The following HECTD2 variants were observed in gnomAD, a reference collection of about 807,000 sequenced individuals.
HECTD2 encodes the protein HECT domain E3 ubiquitin protein ligase 2, also known as probable E3 ubiquitin-protein ligase HECTD2.
Under a neutral mutation model 103.2 loss-of-function variants are expected in HECTD2, and 35 were observed. The ratio of observed to expected loss-of-function variants is 0.34; its 90% CI spans 0.26 to 0.45. HECTD2 has a LOEUF of 0.45. Among genes scored for constraint, HECTD2 ranks in the 20% least tolerant of loss-of-function variants. The pLI, the probability that HECTD2 is intolerant of heterozygous loss-of-function variation, is 1.00. For synonymous variants in HECTD2, 281 were observed against 329.9 expected (o/e 0.85, Z 1.61); for missense variants, 596 against 937.4 (o/e 0.64, Z 4.76).
chr10:91,419,940 T>C (rs964512238), intron 1 of HECTD2, among the ~76,000 whole-genome samples: 1 of 152,208 alleles, frequency 6.6e-6, no homozygotes, highest in Non-Finnish European at 1.5e-5. Context: ...TGTAAAGTAA[T>C]GTTCTTTAAC....
chr10:91,508,620 A>G (rs1252668985), intron 20 of HECTD2, among the ~76,000 whole-genome samples: 1 of 149,038 alleles, frequency 6.7e-6, no homozygotes, highest in Non-Finnish European at 1.5e-5. Flanking sequence ...AAAGTCAGGA[A>G]ACAACAGGTG....
At chr10:91,455,320 AATG>A (rs1224672741) in intron 2 of HECTD2, among the ~76,000 whole-genome samples, 1 of 152,164 alleles carries the variant, frequency 6.6e-6, no homozygotes, top group Non-Finnish European at 1.5e-5. Flanking sequence ...TCTGATGGCC[AATG>A]ATGATGAGCA....
chr10:91,417,499 C>T (rs1388282661), intron 1 of HECTD2, among the ~76,000 whole-genome samples: 1 of 151,912 alleles, frequency 6.6e-6, no homozygotes, highest in Non-Finnish European at 1.5e-5. Context: ...TTAGGTATAC[C>T]TCCTAATGCT....
At chr10:91,496,753 T>C (rs1331005664) in intron 15 of HECTD2, among the ~76,000 whole-genome samples, 1 of 152,092 alleles carries the variant, frequency 6.6e-6, no homozygotes, top group African/African-American at 2.4e-5. Flanking sequence ...TATGAAAATT[T>C]GTGGTTTTAA....
intron 20 of HECTD2, among the ~76,000 whole-genome samples, chr10:91,503,284 C>T (rs1366667874): frequency 7.2e-5 from 11 of 152,024 alleles, no homozygotes; most frequent in Admixed American, 5.9e-4. Context: ...CCAAGATGGC[C>T]GAATAGGAAC....
intron 20 of HECTD2, among the ~76,000 whole-genome samples, chr10:91,503,591 A>C (rs1847005950): frequency 6.6e-6 from 1 of 152,166 alleles, no homozygotes; most frequent in African/African-American, 2.4e-5. Context: ...ACGGTGCACC[A>C]CGAGATTATA....
chr10:91,423,821 T>C (rs1209772280), intron 1 of HECTD2, among the ~76,000 whole-genome samples: 1 of 152,174 alleles, frequency 6.6e-6, no homozygotes, highest in Non-Finnish European at 1.5e-5. Context: ...TGACAAGCTC[T>C]GTGATGAACT....
chr10:91,493,558 A>G (rs763338313), intron 14 of HECTD2, 50 bp downstream of exon 14: 6 of 978,328 alleles, frequency 6.1e-6, no homozygotes, highest in South Asian at 1.7e-5. Flanking sequence ...AGAGATTTTT[A>G]AAGATTTTAT....
At chr10:91,478,571 C>G (rs987519180) in intron 6 of HECTD2, among the ~76,000 whole-genome samples, 46 of 152,062 alleles carry the variant, frequency 3.0e-4, no homozygotes, top group Non-Finnish European at 5.9e-4. Context: ...CATCAGTAAC[C>G]TAACTGAAAT....
intron 2 of HECTD2, among the ~76,000 whole-genome samples, chr10:91,429,833 C>T (rs1327505575): frequency 5.9e-5 from 9 of 152,140 alleles, no homozygotes; most frequent in Non-Finnish European, 1.3e-4. Flanking sequence ...AAACCAGCTC[C>T]TGGATTCATT....
rs1295958461 is a variant in HECTD2, at chr10:91,513,461, A to ATGT, written c.*1079_*1081dup. The ATGT allele has an allele frequency of 2.1e-4, 32 of 152,614 alleles. No homozygotes were observed. Among genetic ancestry groups the ATGT allele is most frequent in the Non-Finnish European group, 3.7e-4 (25 of 68,036 alleles). 9.5% of individuals were successfully genotyped at this position (152,614 alleles called of 1,614,324 possible). A position where few individuals can be genotyped will look rare whatever the true frequency, so the allele number is the denominator to read the frequency against. ...AATAAAATTCAACGTTTTGGCCAAA[A>ATGT]TGTTTGTTTTTCACTGGATTCTGAA... is the stretch of plus-strand genomic sequence containing the variant. On this transcript the variant is annotated 3_prime_UTR_variant, in exon 21 of 21. Transcript: ENST00000298068.
intron 2 of HECTD2, among the ~76,000 whole-genome samples, chr10:91,435,766 T>C (rs1844089015): frequency 1.3e-5 from 2 of 152,138 alleles, no homozygotes; most frequent in African/African-American, 4.8e-5. Flanking sequence ...AGCAGCTTCA[T>C]GTCCTTAAAT....
At chr10:91,500,988 A>G (rs1846879992) in intron 19 of HECTD2, among the ~76,000 whole-genome samples, 1 of 152,098 alleles carries the variant, frequency 6.6e-6, no homozygotes, top group Admixed American at 6.6e-5. Context: ...TGCTGAACTT[A>G]TATACTTTTA....
At chr10:91,489,905 C>A (rs896748718) in intron 11 of HECTD2, 1 of 152,028 alleles carries the variant, frequency 6.6e-6, no homozygotes, top group Non-Finnish European at 1.5e-5. Context: ...AAATGTTTAT[C>A]TTTAATCTGC....
intron 5 of HECTD2, among the ~76,000 whole-genome samples, chr10:91,468,897 C>A (rs1446921387): frequency 6.8e-6 from 1 of 148,020 alleles, no homozygotes; most frequent in Non-Finnish European, 1.5e-5. Context: ...GATTGCACCA[C>A]CACACTGCAG....
chr10:91,498,195 G>A lies in HECTD2; in HGVS notation c.1755+13G>A, dbSNP rs1375689935. 6.5e-7 allele frequency: 1 copy of A among 1,546,826 alleles called. No homozygotes were observed. On this transcript the variant is annotated intron_variant, in intron 16 of 20. Coordinates refer to ENST00000298068, the MANE Select transcript of HECTD2 (RefSeq NM_182765.6). ...TTCAACATTTCAGGTACTATTAAGG[G>A]CAAGTAGTTATCTGTTAATCATATA...
At chr10:91,423,195 G>A (rs1843424272) in intron 1 of HECTD2, among the ~76,000 whole-genome samples, 1 of 152,130 alleles carries the variant, frequency 6.6e-6, no homozygotes, top group Non-Finnish European at 1.5e-5. Flanking sequence ...GTGGGAGACT[G>A]TAATATAAGT....
At chr10:91,497,237 A>G (rs1159013656) in intron 15 of HECTD2, among the ~76,000 whole-genome samples, 3 of 147,258 alleles carry the variant, frequency 2.0e-5, no homozygotes, top group Admixed American at 6.7e-5. Flanking sequence ...CAGCCTCCCA[A>G]AGTGCTGGGA....
intron 2 of HECTD2, among the ~76,000 whole-genome samples, chr10:91,451,074 A>G (rs538667583): frequency 5.3e-5 from 8 of 152,308 alleles, no homozygotes; most frequent in African/African-American, 1.9e-4. Flanking sequence ...ATGCACACAT[A>G]TGTTTATGAC....
Sources: gnomAD v4.1 joint callset for allele counts (sites outside exome capture counted in the v4.1 genomes callset) on GRCh38, gnomAD v4.1.1 for gene constraint, MANE v1.5 for transcripts, NCBI Gene and HGNC (gene_info 2026-07-23, HGNC 2026-07-21) for gene names.